The following USP45 variants were observed in gnomAD, a reference collection of about 807,000 sequenced individuals.
USP45 encodes the protein ubiquitin carboxyl-terminal hydrolase 45.
USP45 carries 89 observed loss-of-function variants against 95.8 expected under a neutral mutation model. The ratio of observed to expected loss-of-function variants is 0.93; its 90% CI spans 0.78 to 1.11. The LOEUF is 1.11. Ranked by LOEUF, USP45 falls within the 50% of genes least tolerant of loss-of-function variation. The pLI, the probability that USP45 is intolerant of heterozygous loss-of-function variation, is 0.00. For missense variants in USP45, 898 were observed against 942.5 expected, an observed-to-expected ratio of 0.95 and a Z score of 0.62; for synonymous variants, 281 against 316.2, an observed-to-expected ratio of 0.89 and a Z score of 1.18.
chr6:99,503,964 A>G (rs1301399243), intron 4 of USP45, 99 bp from the exon 5 acceptor site: 2 of 805,738 alleles, frequency 2.5e-6, no homozygotes, highest in East Asian at 5.8e-5. Flanking sequence ...TTGTCTTTAA[A>G]TTACATGGGA....
In USP45 at chr6:99,446,004, A is replaced by G; in HGVS notation, c.1768T>C (p.Leu590=). ...PLNISNNLCF[L]EGKHLRSYSP... is the part of the protein sequence containing the mutation. ...TAAGACCTCAAATGCTTCCCCTCTA[A>G]AAAACATAAATTATTTGAAATATTT... Residue 590 remains leucine (L), a synonymous_variant, in exon 14 of 18, where the codon TTA becomes CTA. Coordinates refer to ENST00000500704, the MANE Select transcript of USP45 (RefSeq NM_001346022.3). 6.2e-7 allele frequency: 1 copy of G among 1,614,012 alleles called. No individual in the cohort carries two copies. The highest frequency in any genetic ancestry group is 8.5e-7 in the Non-Finnish European group (1 of 1,179,990).
intron 15 of USP45, among the ~76,000 whole-genome samples, chr6:99,442,385 CTT>C (rs1781688559): frequency 6.6e-6 from 1 of 152,168 alleles, no homozygotes; most frequent in Non-Finnish European, 1.5e-5. Flanking sequence ...GAATTCAGAA[CTT>C]AATCTAATCT....
chr6:99,487,804 A>T (rs1794319075), intron 7 of USP45, among the ~76,000 whole-genome samples: 1 of 152,142 alleles, frequency 6.6e-6, no homozygotes, highest in Non-Finnish European at 1.5e-5. Context: ...CCGTCTCAAA[A>T]AAAAAACCTT....
At chr6:99,514,117 G>A (rs901125937) in intron 1 of USP45, among the ~76,000 whole-genome samples, 3 of 152,108 alleles carry the variant, frequency 2.0e-5, no homozygotes, top group Non-Finnish European at 4.4e-5. Context: ...TAGGATGCAC[G>A]GGACTCAACA....
At position 99,482,843 on chromosome 6, in the gene USP45, G is replaced by A; in HGVS notation, c.755C>T (p.Thr252Ile). ...VVELSRPGPL[T>I]SALFLFLHSM... ...GTGAAGAAACAGGAACAAGGCTGAG[G>A]TCAGTGGTCCAGGCCTTGAAAGTTC... Residue 252 changes from threonine to isoleucine, a missense_variant, in exon 8 of 18, where the codon ACC becomes ATC. Transcript: ENST00000500704. 2 of 1,600,668 alleles carry A rather than the reference G, an allele frequency of 1.2e-6. No homozygotes were observed. The highest frequency in any genetic ancestry group is 1.7e-6 in the Non-Finnish European group (2 of 1,173,220).
chr6:99,438,536 A>C (rs1780936692), intron 16 of USP45, among the ~76,000 whole-genome samples: 2 of 152,246 alleles, frequency 1.3e-5, no homozygotes, highest in African/African-American at 2.4e-5. Flanking sequence ...AAGAAATTCC[A>C]AAAAGTGAAA....
In USP45 at chr6:99,452,394, A is replaced by G. The variant is rs553595043; in HGVS notation, c.1309-5931T>C. Among the ~76,000 whole-genome samples the G allele has an allele frequency of 1.3e-3, 199 of 152,366 alleles. 1 individual carries two copies. Among genetic ancestry groups the G allele is most frequent in the African/African-American group, 4.6e-3 (192 of 41,576 alleles). On this transcript the variant is annotated intron_variant, in intron 13 of 17. Transcript: ENST00000500704. ...ATGAACAGACACTTCTCAAAAGAAG[A>G]CATTTATGCAGCTAACAGACACATG...
intron 16 of USP45, 126 bp from the exon 17 acceptor site, chr6:99,437,525 CT>C: frequency 9.8e-7 from 1 of 1,023,950 alleles, no homozygotes. Flanking sequence ...ACTTTCCATA[CT>C]TACTAGGCTG....
rs567096406 is a variant in USP45 at position 99,433,172 on chromosome 6, A to T, written c.*2544T>A. The T allele has an allele frequency of 5.9e-5, 9 of 151,748 alleles. No individual in the cohort carries two copies. Among genetic ancestry groups the T allele is most frequent in the African/African-American group, 2.2e-4 (9 of 40,660 alleles). 9.4% of individuals were successfully genotyped at this position (151,748 alleles called of 1,614,324 possible). ...ATTGATACCAACTATCACTCTTCTCAGCTACCTAAAAAGGTGGTCTTCACA... is the reference window on the plus strand; with the variant it reads ...ATTGATACCAACTATCACTCTTCTCTGCTACCTAAAAAGGTGGTCTTCACA... On this transcript the variant is annotated 3_prime_UTR_variant, in exon 18 of 18. Transcript: ENST00000500704.
chr6:99,461,811 A>AG, intron 13 of USP45: 3 of 983,006 alleles, frequency 3.1e-6, no homozygotes, highest in Non-Finnish European at 3.6e-6. Flanking sequence ...AAAATACTAT[A>AG]AAGTTTGTCA....
At position 99,508,247 on chromosome 6, in the gene USP45, A is replaced by G. The variant is rs150360255; in HGVS notation, c.273+363T>C. 1.3e-4 allele frequency among the ~76,000 whole-genome samples: 20 copies of G among 152,290 alleles called. No individual in the cohort carries two copies. The East Asian group carries it at 3.5e-3, about 26-fold the overall frequency. Reference sequence around the variant, plus strand: ...ATATCAATAACTTTTAAACTTTAAGATTTTAAATTACTTTGCAAAAGCAGC... The same window carrying G: ...ATATCAATAACTTTTAAACTTTAAGGTTTTAAATTACTTTGCAAAAGCAGC... On this transcript the variant is annotated intron_variant, in intron 3 of 17. Transcript: ENST00000500704.
intron 13 of USP45, among the ~76,000 whole-genome samples, chr6:99,451,099 G>A (rs1252200904): frequency 6.6e-6 from 1 of 152,138 alleles, no homozygotes; most frequent in Non-Finnish European, 1.5e-5. Context: ...GCAAAAACTG[G>A]AAGCATTCCC....
intron 13 of USP45, among the ~76,000 whole-genome samples, chr6:99,448,252 G>A (rs1475479623): frequency 6.6e-6 from 1 of 152,180 alleles, no homozygotes; most frequent in Non-Finnish European, 1.5e-5. Flanking sequence ...CTAGCTAAAT[G>A]AGGAAGTTCG....
intron 13 of USP45, among the ~76,000 whole-genome samples, chr6:99,455,810 T>C (rs553069754): frequency 1.0e-4 from 13 of 124,500 alleles, no homozygotes; most frequent in Non-Finnish European, 2.1e-4. Flanking sequence ...CTCACTCTTA[T>C]GTGAGAGCTA....
intron 5 of USP45, among the ~76,000 whole-genome samples, chr6:99,502,489 T>C (rs1797602481): frequency 6.6e-6 from 1 of 152,202 alleles, no homozygotes; most frequent in South Asian, 2.1e-4. Flanking sequence ...TAGTTTCTGA[T>C]GTGAGGGCAG....
intron 10 of USP45, 77 bp from the exon 11 acceptor site, chr6:99,466,840 A>G: frequency 9.9e-7 from 1 of 1,008,904 alleles, no homozygotes; most frequent in East Asian, 2.4e-5. Flanking sequence ...TCTTCTGGTT[A>G]TTCAAAAGTA....
chr6:99,470,242 G>T (rs1461103543), intron 9 of USP45, among the ~76,000 whole-genome samples: 1 of 152,102 alleles, frequency 6.6e-6, no homozygotes, highest in Non-Finnish European at 1.5e-5. Flanking sequence ...TATGGAGAAG[G>T]AGGTGATCAC....
At position 99,445,866 on chromosome 6, in the gene USP45, T is replaced by C. The variant is rs1259276060; in HGVS notation, c.1906A>G (p.Asn636Asp). Residue 636 changes from asparagine (N) to aspartate (D), a missense_variant, in exon 14 of 18, where the codon AAT becomes GAT. Physicochemically the swap from Asn to Asp is conservative, Grantham distance 23. Coordinates refer to ENST00000500704, the MANE Select transcript of USP45 (RefSeq NM_001346022.3). ...CAATTCTCACATAGAAGCTTATTAT[T>C]CCCCATTAGTAATTCCATAGATGTA... ...QFTSMELLMG[N>D]NKLLCENCTK... The C allele has an allele frequency of 3.1e-6, 5 of 1,609,934 alleles. No individual in the cohort carries two copies. Among genetic ancestry groups the C allele is most frequent in the Non-Finnish European group, 4.2e-6 (5 of 1,179,050 alleles).
At chr6:99,454,148 A>C (rs1047952568) in intron 13 of USP45, among the ~76,000 whole-genome samples, 7 of 152,196 alleles carry the variant, frequency 4.6e-5, no homozygotes, top group Non-Finnish European at 8.8e-5. Flanking sequence ...AACAGAATAA[A>C]GAAATCCACA....
Sources: gnomAD v4.1 joint callset for allele counts (sites outside exome capture counted in the v4.1 genomes callset) on GRCh38, gnomAD v4.1.1 for gene constraint, MANE v1.5 for transcripts, NCBI Gene and HGNC (gene_info 2026-07-23, HGNC 2026-07-21) for gene names.